The following PPP1R9A variants were observed in gnomAD, a reference collection of about 807,000 sequenced individuals.
The protein encoded by PPP1R9A is neurabin-1.
In PPP1R9A, 59 loss-of-function variants were observed where a neutral mutation model predicts 141.9. The observed-to-expected ratio is 0.42, with a 90% confidence interval of 0.34 to 0.52. The LOEUF (loss-of-function observed/expected upper bound fraction) is 0.52. Among genes scored for constraint, PPP1R9A ranks in the 20% least tolerant of loss-of-function variants. The pLI is 0.10. For synonymous variants in PPP1R9A, 500 were observed against 569.7 expected (o/e 0.88, Z 1.74); for missense variants, 1,444 against 1,611.9 (o/e 0.90, Z 1.78).
intron 2 of PPP1R9A, among the ~76,000 whole-genome samples, chr7:95,050,880 A>G (rs1810698950): frequency 1.3e-5 from 2 of 152,254 alleles, no homozygotes; most frequent in Non-Finnish European, 2.9e-5. Context: ...TTGCATCATT[A>G]AATTTTCTTC....
chr7:95,287,446 G>C (rs534375340), intron 18 of PPP1R9A, among the ~76,000 whole-genome samples: 2 of 152,038 alleles, frequency 1.3e-5, no homozygotes, highest in East Asian at 1.9e-4. Context: ...CCCTTCTTCT[G>C]TGTTCCCTGT....
At chr7:94,985,419 G>T (rs537702273) in intron 2 of PPP1R9A, among the ~76,000 whole-genome samples, 26 of 152,222 alleles carry the variant, frequency 1.7e-4, no homozygotes, top group African/African-American at 6.3e-4. Context: ...TATTCACAGT[G>T]GGGTATTAAA....
intron 8 of PPP1R9A, among the ~76,000 whole-genome samples, chr7:95,231,070 G>A (rs117727502): frequency 6.6e-5 from 10 of 152,078 alleles, no homozygotes; most frequent in South Asian, 4.2e-4. Flanking sequence ...AAAAGATACC[G>A]TATGCAAATG....
chr7:95,272,373 C>A (rs571317089), intron 14 of PPP1R9A, among the ~76,000 whole-genome samples: 2 of 152,240 alleles, frequency 1.3e-5, no homozygotes, highest in African/African-American at 4.8e-5. Context: ...GTAAAATCAC[C>A]TTAGAAGGTG....
At chr7:95,090,998 A>G (rs985242960) in intron 2 of PPP1R9A, among the ~76,000 whole-genome samples, 3 of 152,010 alleles carry the variant, frequency 2.0e-5, no homozygotes, top group African/African-American at 7.3e-5. Context: ...GGATACATCT[A>G]TAAGAATCAG....
rs1175130187 is a variant in PPP1R9A, at chr7:95,250,028, G to A, written c.2169G>A (p.Leu723=). The A allele has an allele frequency of 1.3e-6, 2 of 1,597,660 alleles. No individual in the cohort carries two copies. The highest frequency in any genetic ancestry group is 2.3e-5 in the South Asian group (2 of 87,148). Reference sequence around the variant, plus strand: ...GCCTTGACGTTTGCTTTCTCCAGCTGCAGGCAGCAGAAAATGAGAAAGTGA... The same window carrying A: ...GCCTTGACGTTTGCTTTCTCCAGCTACAGGCAGCAGAAAATGAGAAAGTGA... ...EAEIQKLKTK[L]QAAENEKVRW... Residue 723 remains leucine, a splice_region_variant and synonymous_variant, in exon 10 of 20, where the codon CTG becomes CTA. Transcript: ENST00000433360.
intron 2 of PPP1R9A, among the ~76,000 whole-genome samples, chr7:94,996,287 GAAAAT>G (rs1456685845): frequency 6.6e-6 from 1 of 152,018 alleles, no homozygotes; most frequent in Non-Finnish European, 1.5e-5. Context: ...ACAGAACATA[GAAAAT>G]ATGCATAAAA....
chr7:95,053,180 G>C (rs1811048420), intron 2 of PPP1R9A, among the ~76,000 whole-genome samples: 1 of 152,176 alleles, frequency 6.6e-6, no homozygotes, highest in Non-Finnish European at 1.5e-5. Flanking sequence ...GTCTCTCTGT[G>C]TTGAGATGGA....
At chr7:95,135,680 A>G (rs924190523) in intron 4 of PPP1R9A, among the ~76,000 whole-genome samples, 1 of 151,326 alleles carries the variant, frequency 6.6e-6, no homozygotes, top group Admixed American at 6.6e-5. Flanking sequence ...AAGTTTTTTT[A>G]TAATCTATTA....
At chr7:95,170,252 C>G (rs1421504948) in intron 5 of PPP1R9A, among the ~76,000 whole-genome samples, 4 of 151,580 alleles carry the variant, frequency 2.6e-5, no homozygotes, top group Non-Finnish European at 5.9e-5. Flanking sequence ...TTATAAGCTA[C>G]TAATATACGC....
At chr7:95,242,433 A>C (rs986509101) in intron 8 of PPP1R9A, among the ~76,000 whole-genome samples, 1 of 152,180 alleles carries the variant, frequency 6.6e-6, no homozygotes, top group African/African-American at 2.4e-5. Context: ...TCACTTTTTA[A>C]AGAAAAATGT....
chr7:95,007,332 C>T lies in PPP1R9A; in HGVS notation c.1395+95824C>T, dbSNP rs1310801664. 3.3e-5 allele frequency among the ~76,000 whole-genome samples: 5 copies of T among 152,178 alleles called. No homozygotes were observed. In the East Asian group the frequency reaches 9.6e-4, roughly 29 times the overall value. On this transcript the variant is annotated intron_variant, in intron 2 of 19. Coordinates refer to ENST00000433360, the MANE Select transcript of PPP1R9A (RefSeq NM_001166160.2). ...CTGTGCATTGTAGGATGTTTAGCAG[C>T]GTTCCCAGCCTCACCCCAATAGATG...
intron 2 of PPP1R9A, among the ~76,000 whole-genome samples, chr7:95,110,492 TA>T (rs1180520183): frequency 6.6e-6 from 1 of 152,202 alleles, no homozygotes; most frequent in African/African-American, 2.4e-5. Context: ...TTCTTTCATA[TA>T]TTTTTTCCTG....
chr7:94,969,364 C>G (rs1195778558), intron 2 of PPP1R9A, among the ~76,000 whole-genome samples: 1 of 152,104 alleles, frequency 6.6e-6, no homozygotes, highest in African/African-American at 2.4e-5. Context: ...GATGCTATTC[C>G]TTTCTGATTG....
intron 2 of PPP1R9A, among the ~76,000 whole-genome samples, chr7:94,936,050 T>C (rs991496880): frequency 2.0e-5 from 3 of 152,202 alleles, no homozygotes; most frequent in Admixed American, 6.5e-5. Flanking sequence ...TTTCATCCCT[T>C]AGAGAAAGCC....
intron 2 of PPP1R9A, among the ~76,000 whole-genome samples, chr7:95,091,689 T>G (rs2152341676): frequency 6.6e-6 from 1 of 152,026 alleles, no homozygotes; most frequent in East Asian, 1.9e-4. Context: ...TTAATTTGCA[T>G]TTCTTTAGTT....
intron 2 of PPP1R9A, among the ~76,000 whole-genome samples, chr7:94,957,771 C>T (rs770994647): frequency 2.6e-5 from 4 of 152,020 alleles, no homozygotes; most frequent in Non-Finnish European, 4.4e-5. Context: ...CTTTACTGTA[C>T]GACCCCTTTC....
chr7:95,114,891 C>CAAAAAAAAAAAAAAA, intron 3 of PPP1R9A, among the ~76,000 whole-genome samples: 1 of 112,394 alleles, frequency 8.9e-6, no homozygotes, highest in Non-Finnish European at 1.9e-5. Context: ...AAGTCCGTCT[C>CAAAAAAAAAAAAAAA]AAAAAAAAAA....
At chr7:95,161,733 G>C in intron 4 of PPP1R9A, 134 bp from the exon 5 acceptor site, 1 of 593,964 alleles carries the variant, frequency 1.7e-6, no homozygotes. Context: ...CTGACTGTAT[G>C]TAAAAGATAG....
Sources: allele counts gnomAD v4.1 joint callset (sites outside exome capture counted in the v4.1 genomes callset), GRCh38; gene constraint gnomAD v4.1.1; transcripts MANE v1.5; gene names NCBI Gene and HGNC (gene_info 2026-07-23, HGNC 2026-07-21).